The following MACROD2 variants were observed in gnomAD, a reference collection of about 807,000 sequenced individuals.
MACROD2 encodes ADP-ribose glycohydrolase MACROD2.
In MACROD2, 36 loss-of-function variants were observed where a neutral mutation model predicts 70.4. The ratio of observed to expected loss-of-function variants is 0.51; its 90% confidence interval spans 0.39 to 0.68. The LOEUF (loss-of-function observed/expected upper bound fraction) is 0.68, where lower values mean the gene tolerates loss of function less well. MACROD2 is among the 30% of genes least tolerant of loss of function. The pLI, the probability that MACROD2 is intolerant of heterozygous loss-of-function variation, is 0.00. For synonymous variants in MACROD2, 172 were observed against 178.8 expected (o/e 0.96, Z 0.30); for missense variants, 496 against 538.4 (o/e 0.92, Z 0.78).
intron 8 of MACROD2, among the ~76,000 whole-genome samples, chr20:15,695,609 C>T (rs2050357176): frequency 6.6e-6 from 1 of 152,038 alleles, no homozygotes; most frequent in Admixed American, 6.5e-5. Flanking sequence ...TGGGGTTTCA[C>T]CATGTTGGTC....
chr20:14,337,443 T>G, intron 3 of MACROD2: 1 of 388,344 alleles, frequency 2.6e-6, no homozygotes, highest in Non-Finnish European at 4.5e-6. Context: ...ACACTGCCGC[T>G]ATAGCTGTAA....
intron 3 of MACROD2, among the ~76,000 whole-genome samples, chr20:14,317,973 G>A (rs1424493652): frequency 3.9e-5 from 6 of 152,146 alleles, no homozygotes; most frequent in Non-Finnish European, 7.4e-5. Flanking sequence ...TGTGTAAGAC[G>A]TCACTAATAT....
chr20:15,211,264 T>C (rs1343893761), intron 5 of MACROD2, among the ~76,000 whole-genome samples: 4 of 152,226 alleles, frequency 2.6e-5, no homozygotes, highest in African/African-American at 9.6e-5. Context: ...TATTGTAGCA[T>C]TTATCAGTAC....
At chr20:14,586,718 C>T (rs922567155) in intron 4 of MACROD2, among the ~76,000 whole-genome samples, 15 of 152,002 alleles carry the variant, frequency 9.9e-5, no homozygotes, top group Admixed American at 2.6e-4. Context: ...ATGAATGATC[C>T]ATTTAGTCTC....
At chr20:15,590,120 A>G (rs1490828351) in intron 8 of MACROD2, among the ~76,000 whole-genome samples, 1 of 152,224 alleles carries the variant, frequency 6.6e-6, no homozygotes, top group African/African-American at 2.4e-5. Context: ...TTAATTATTG[A>G]TAAAGGGATG....
intron 5 of MACROD2, among the ~76,000 whole-genome samples, chr20:14,881,779 C>T (rs1225075997): frequency 6.6e-6 from 1 of 152,092 alleles, no homozygotes; most frequent in African/African-American, 2.4e-5. Context: ...TTCCCAGAAC[C>T]AGGGCCCTCT....
At chr20:15,824,153 T>C (rs1001253513) in intron 8 of MACROD2, among the ~76,000 whole-genome samples, 1 of 152,072 alleles carries the variant, frequency 6.6e-6, no homozygotes, top group East Asian at 1.9e-4. Context: ...ATTGTACAAG[T>C]TACTCTTACC....
intron 5 of MACROD2, among the ~76,000 whole-genome samples, chr20:14,944,513 T>C (rs1407890956): frequency 6.6e-6 from 1 of 152,186 alleles, no homozygotes; most frequent in Non-Finnish European, 1.5e-5. Flanking sequence ...GCTTGTCTGC[T>C]GTCAATTTGA....
intron 6 of MACROD2, among the ~76,000 whole-genome samples, chr20:15,254,929 C>CTTT (rs762538763): frequency 2.6e-4 from 21 of 80,522 alleles, no homozygotes; most frequent in East Asian, 3.9e-4. Context: ...CAAAGCACAC[C>CTTT]TTTTTTTTTT....
intron 3 of MACROD2, among the ~76,000 whole-genome samples, chr20:14,188,215 G>T (rs2148736354): frequency 6.6e-6 from 1 of 152,214 alleles, no homozygotes; most frequent in South Asian, 2.1e-4. Flanking sequence ...CTATGAATCA[G>T]AATTCTGGGG....
intron 5 of MACROD2, among the ~76,000 whole-genome samples, chr20:15,040,077 T>C (rs147527266): frequency 7.2e-5 from 11 of 152,304 alleles, no homozygotes; most frequent in African/African-American, 1.7e-4. Flanking sequence ...GTCTTTTTGC[T>C]GGGAACCATA....
In MACROD2 at chr20:14,277,188, G is replaced by A. The variant is rs536505862; in HGVS notation, c.271+191460G>A. Among the ~76,000 whole-genome samples, 99 of 151,986 alleles carry A rather than the reference G, an allele frequency of 6.5e-4. 1 individual carries two copies. The highest frequency in any genetic ancestry group is 2.2e-3 in the African/African-American group (92 of 41,494). On this transcript the variant is annotated intron_variant, in intron 3 of 17. Transcript: ENST00000684519. ...TGGGCATGGTGGCACTGTGGCTCAC[G>A]CCTGTAATCCCAGCACTTTGGGAGG...
chr20:14,968,099 A>G (rs2074655139), intron 5 of MACROD2, among the ~76,000 whole-genome samples: 1 of 152,154 alleles, frequency 6.6e-6, no homozygotes, highest in Admixed American at 6.6e-5. Context: ...TGCAATTGTG[A>G]GGTTTCTTTG....
chr20:15,069,982 G>A (rs2075606749), intron 5 of MACROD2, among the ~76,000 whole-genome samples: 1 of 152,168 alleles, frequency 6.6e-6, no homozygotes, highest in Non-Finnish European at 1.5e-5. Flanking sequence ...TGCACCTTGA[G>A]CCTGGAAAAG....
At chr20:15,467,033 T>C (rs1439190105) in intron 7 of MACROD2, among the ~76,000 whole-genome samples, 1 of 152,232 alleles carries the variant, frequency 6.6e-6, no homozygotes, top group African/African-American at 2.4e-5. Flanking sequence ...TCCTCCTGTC[T>C]ATGCTCACCA....
At chr20:15,716,101 A>G (rs1210328936) in intron 8 of MACROD2, among the ~76,000 whole-genome samples, 1 of 152,204 alleles carries the variant, frequency 6.6e-6, no homozygotes, top group African/African-American at 2.4e-5. Context: ...AGATACTGCA[A>G]GAGAAGGTCA....
chr20:14,653,962 G>A (rs887470870), intron 4 of MACROD2, among the ~76,000 whole-genome samples: 4 of 151,954 alleles, frequency 2.6e-5, no homozygotes, highest in South Asian at 2.1e-4. Flanking sequence ...TTTCTTTCCT[G>A]ACCGCATTTC....
At chr20:15,247,203 A>G (rs760818809) in intron 6 of MACROD2, among the ~76,000 whole-genome samples, 6 of 152,244 alleles carry the variant, frequency 3.9e-5, no homozygotes, top group Admixed American at 1.3e-4. Context: ...GAATTATATT[A>G]CAATTTAAAA....
At chr20:15,478,484 A>G (rs1054430321) in intron 7 of MACROD2, among the ~76,000 whole-genome samples, 1 of 152,132 alleles carries the variant, frequency 6.6e-6, no homozygotes, top group African/African-American at 2.4e-5. Context: ...AGATGGGTGC[A>G]CTGGAATTAC....
Sources: allele counts gnomAD v4.1 joint callset (sites outside exome capture counted in the v4.1 genomes callset), GRCh38; gene constraint gnomAD v4.1.1; transcripts MANE v1.5; gene names NCBI Gene and HGNC (gene_info 2026-07-23, HGNC 2026-07-21).